The following LVRN variants were observed in gnomAD, a reference collection of about 807,000 sequenced individuals.
LVRN encodes aminopeptidase Q.
Under a neutral mutation model 111.4 loss-of-function variants are expected in LVRN, and 99 were observed. The ratio of observed to expected loss-of-function variants is 0.89; its 90% CI spans 0.76 to 1.05. The LOEUF (loss-of-function observed/expected upper bound fraction) is 1.05, where lower values mean the gene tolerates loss of function less well. Ranked by LOEUF, LVRN falls within the 50% of genes least tolerant of loss-of-function variation. The pLI is 0.00. For missense variants in LVRN, 1,414 were observed against 1,206.8 expected (o/e 1.17, Z -2.54); for synonymous variants, 488 against 449.5 (o/e 1.09, Z -1.08).
At chr5:116,002,705 C>G (rs1561564448) in intron 10 of LVRN, 130 bp from the exon 11 acceptor site, 4 of 637,732 alleles carry the variant, frequency 6.3e-6, no homozygotes, top group Non-Finnish European at 1.0e-5. Context: ...GAGCAAAGGC[C>G]TGCATATCTA....
chr5:116,014,297 C>T (rs917594963), intron 15 of LVRN, 123 bp from the exon 16 acceptor site: 98 of 701,388 alleles, frequency 1.4e-4, no homozygotes, highest in Admixed American at 2.4e-4. Context: ...TTAAAACAAA[C>T]CTGATGTCAT....
intron 1 of LVRN, among the ~76,000 whole-genome samples, chr5:115,973,617 A>G (rs973074091): frequency 1.3e-5 from 2 of 152,200 alleles, no homozygotes; most frequent in Non-Finnish European, 2.9e-5. Context: ...CTATTTCTTC[A>G]TGAGTAAACT....
intron 10 of LVRN, among the ~76,000 whole-genome samples, chr5:116,001,894 G>T (rs1748246337): frequency 6.6e-6 from 1 of 152,174 alleles, no homozygotes; most frequent in African/African-American, 2.4e-5. Flanking sequence ...GTGTAAAAGT[G>T]AAATGAGTAT....
chr5:115,981,662 C>T (rs115014335), intron 1 of LVRN, among the ~76,000 whole-genome samples: 1 of 152,096 alleles, frequency 6.6e-6, no homozygotes, highest in Non-Finnish European at 1.5e-5. Flanking sequence ...CTATTAAATA[C>T]TAGTTATTAT....
At chr5:115,975,152 G>T in intron 1 of LVRN, 1 of 446,016 alleles carries the variant, frequency 2.2e-6, no homozygotes, top group Non-Finnish European at 4.4e-6. Context: ...TCAATGAACT[G>T]AATATGGCCA....
chr5:115,998,992 C>A (rs1196405533), intron 6 of LVRN, among the ~76,000 whole-genome samples: 1 of 152,112 alleles, frequency 6.6e-6, no homozygotes, highest in Non-Finnish European at 1.5e-5. Context: ...ACTTGCAGAT[C>A]CCAAAGATAG....
chr5:115,968,436 CCTT>C (rs1314148747), intron 1 of LVRN, among the ~76,000 whole-genome samples: 1 of 105,960 alleles, frequency 9.4e-6, no homozygotes, highest in Non-Finnish European at 1.8e-5. Context: ...AGTTCCCCAC[CCTT>C]TTTTTTTTTT....
rs369694763 is a variant in LVRN, at chr5:116,000,670, A to G, written c.1647+12A>G. ...GGCATTTTCAAATGGTAATTGTCCT[A>G]CTTTCTGACACATTCTTGCTGAGTT... On this transcript the variant is annotated intron_variant, in intron 9 of 19. Transcript: ENST00000357872. 3.7e-5 allele frequency: 60 copies of G among 1,612,126 alleles called. No homozygotes were observed. The highest frequency in any genetic ancestry group is 4.9e-5 in the Non-Finnish European group (58 of 1,178,684).
chr5:116,004,798 G>A lies in LVRN; in HGVS notation c.2038-1114G>A, dbSNP rs180893908. Among the ~76,000 whole-genome samples, 404 of 152,252 alleles carry A rather than the reference G, an allele frequency of 2.7e-3. 8 individuals carry two copies. The highest frequency in any genetic ancestry group is 0.023 in the Admixed American group (350 of 15,276). ...AATATACCAAACTTAAAGGGTTATC[G>A]TGAAGATTAAATAAGTTGATATATG... On this transcript the variant is annotated intron_variant, in intron 12 of 19. Coordinates refer to ENST00000357872, the MANE Select transcript of LVRN (RefSeq NM_173800.5).
chr5:116,021,747 G>T, intron 18 of LVRN: 3 of 450,434 alleles, frequency 6.7e-6, no homozygotes, highest in Non-Finnish European at 1.3e-5. Context: ...GCCACACTTT[G>T]AGCAGGTAAG....
intron 1 of LVRN, among the ~76,000 whole-genome samples, chr5:115,976,542 C>T (rs960112278): frequency 6.6e-6 from 1 of 152,076 alleles, no homozygotes; most frequent in Middle Eastern, 3.4e-3. Context: ...ACTTTAAGAC[C>T]CTTTTATTTC....
In LVRN at chr5:115,963,085, C is replaced by G; in HGVS notation, c.468C>G (p.Ala156=). ...LHSLFQDCER[A]EVRGPLSPGT... ...GCCTCTTCCAGGACTGCGAGCGCGC[C>G]GAGGTGCGGGGACCCCTTTCCCCGG... is the stretch of plus-strand genomic sequence containing the variant. The change falls in exon 1 of 20, where the codon GCC becomes GCG. Residue 156 remains alanine, a synonymous_variant. Coordinates refer to ENST00000357872, the MANE Select transcript of LVRN (RefSeq NM_173800.5). 6.2e-7 allele frequency: 1 copy of G among 1,613,656 alleles called. No homozygotes were observed. The highest frequency in any genetic ancestry group is 1.1e-5 in the South Asian group (1 of 91,078).
At chr5:115,976,530 T>C (rs1753452673) in intron 1 of LVRN, among the ~76,000 whole-genome samples, 1 of 152,208 alleles carries the variant, frequency 6.6e-6, no homozygotes, top group Non-Finnish European at 1.5e-5. Flanking sequence ...CACAAACTTA[T>C]TACTTTAAGA....
At chr5:116,011,837 A>G (rs570907482) in intron 14 of LVRN, among the ~76,000 whole-genome samples, 6 of 152,262 alleles carry the variant, frequency 3.9e-5, no homozygotes, top group African/African-American at 1.4e-4. Flanking sequence ...ATTCTTAGGG[A>G]TGTATTAGTA....
chr5:115,973,364 A>G (rs1753368235), intron 1 of LVRN, among the ~76,000 whole-genome samples: 1 of 152,224 alleles, frequency 6.6e-6, no homozygotes, highest in African/African-American at 2.4e-5. Flanking sequence ...TTGTAGTTGT[A>G]GTTTTCTTGC....
intron 1 of LVRN, among the ~76,000 whole-genome samples, chr5:115,965,211 G>T (rs1268579137): frequency 6.6e-6 from 1 of 152,324 alleles, no homozygotes; most frequent in East Asian, 1.9e-4. Flanking sequence ...CAGCTTCCTT[G>T]TTATCTAAAC....
intron 6 of LVRN, among the ~76,000 whole-genome samples, chr5:115,995,960 G>A (rs1020612656): frequency 6.6e-6 from 1 of 152,110 alleles, no homozygotes; most frequent in African/African-American, 2.4e-5. Flanking sequence ...GTGTGTGTGT[G>A]TGTGTGTGTG....
intron 13 of LVRN, among the ~76,000 whole-genome samples, chr5:116,008,252 G>A (rs1561566457): frequency 6.6e-6 from 1 of 152,156 alleles, no homozygotes; most frequent in Non-Finnish European, 1.5e-5. Context: ...GCTGAGGCAG[G>A]AGAATGGCAT....
Position 116,007,676 on chromosome 5 carries a change from C to T in LVRN, c.2093+1709C>T, listed in dbSNP as rs147155980. 5.1e-3 allele frequency among the ~76,000 whole-genome samples: 775 copies of T among 152,248 alleles called. 4 individuals are homozygous for T. Among genetic ancestry groups the T allele is most frequent in the African/African-American group, 0.017 (719 of 41,536 alleles). ...TGTCATATGTACTACAGGCATACCT[C>T]GTTTTATTGTACTTTGCTTTAAGAC... On this transcript the variant is annotated intron_variant, in intron 13 of 19. Coordinates refer to ENST00000357872, the MANE Select transcript of LVRN (RefSeq NM_173800.5).
Sources: allele counts gnomAD v4.1 joint callset (sites outside exome capture counted in the v4.1 genomes callset), GRCh38; gene constraint gnomAD v4.1.1; transcripts MANE v1.5; gene names NCBI Gene and HGNC (gene_info 2026-07-23, HGNC 2026-07-21).